RAB10: variants seen among roughly 807,000 people sequenced by gnomAD.
RAB10 encodes RAB10, member RAS oncogene family.
A neutral mutation model predicts 25.7 loss-of-function variants in RAB10; 5 were observed. The observed-to-expected ratio is 0.19, with a 90% CI of 0.10 to 0.41. The LOEUF (loss-of-function observed/expected upper bound fraction) is 0.41. RAB10 is among the 10% of genes least tolerant of loss of function. The pLI is 1.00. For missense variants in RAB10, 103 were observed against 245.8 expected, an observed-to-expected ratio of 0.42 and a Z score of 3.89; for synonymous variants, 89 against 86.4, an observed-to-expected ratio of 1.03 and a Z score of -0.16.
At position 26,034,151 on chromosome 2, in the gene RAB10, G is replaced by A. The variant is rs1006727685; in HGVS notation, c.-458G>A. The A allele has an allele frequency of 4.9e-6, 2 of 406,314 alleles. No individual in the cohort carries two copies. Among genetic ancestry groups the A allele is most frequent in the East Asian group, 7.0e-5 (2 of 28,430 alleles). 25.2% of individuals were successfully genotyped at this position (406,314 alleles called of 1,614,324 possible). A position where few individuals can be genotyped will look rare whatever the true frequency, so the allele number is the denominator to read the frequency against. On this transcript the variant is annotated 5_prime_UTR_variant, in exon 1 of 6. Coordinates refer to ENST00000264710, the MANE Select transcript of RAB10 (RefSeq NM_016131.5). ...AAGGTGGCTCTGGCCGGGGTGGCTCGGTTTCCTGGGGCTATGTAACTGAGC... is the reference window on the plus strand; with the variant it reads ...AAGGTGGCTCTGGCCGGGGTGGCTCAGTTTCCTGGGGCTATGTAACTGAGC...
chr2:26,075,228 T>G (rs1666708070), intron 1 of RAB10, among the ~76,000 whole-genome samples: 1 of 152,188 alleles, frequency 6.6e-6, no homozygotes, highest in African/African-American at 2.4e-5. Context: ...CCTAGTACCT[T>G]TCTGTCTCTT....
chr2:26,055,311 G>A (rs918160456), intron 1 of RAB10, among the ~76,000 whole-genome samples: 1 of 151,772 alleles, frequency 6.6e-6, no homozygotes, highest in Non-Finnish European at 1.5e-5. Flanking sequence ...GGAAATACAG[G>A]CTTTATGCCT....
intron 1 of RAB10, among the ~76,000 whole-genome samples, chr2:26,037,639 C>CAA (rs557970319): frequency 1.5e-5 from 2 of 133,058 alleles, no homozygotes; most frequent in Admixed American, 7.6e-5. Context: ...AACTCTGTCT[C>CAA]AAAAAAAAAA....
intron 1 of RAB10, among the ~76,000 whole-genome samples, chr2:26,036,667 A>G (rs756332616): frequency 6.6e-6 from 1 of 151,814 alleles, no homozygotes; most frequent in Non-Finnish European, 1.5e-5. Context: ...TCAAAATAAT[A>G]ATAAATAAAT....
At chr2:26,060,066 T>C (rs770921185) in intron 1 of RAB10, among the ~76,000 whole-genome samples, 2 of 152,190 alleles carry the variant, frequency 1.3e-5, no homozygotes, top group African/African-American at 4.8e-5. Context: ...AGATTACTTA[T>C]AATGCCAGTC....
intron 1 of RAB10, among the ~76,000 whole-genome samples, chr2:26,058,327 G>T (rs751856452): frequency 6.6e-6 from 1 of 152,146 alleles, no homozygotes; most frequent in East Asian, 1.9e-4. Context: ...ATTCATATAT[G>T]TCACTCTTCT....
intron 1 of RAB10, among the ~76,000 whole-genome samples, chr2:26,097,766 C>T (rs1017148811): frequency 2.0e-5 from 3 of 151,882 alleles, no homozygotes; most frequent in African/African-American, 7.3e-5. Context: ...ATTGATTTTT[C>T]TGTCTACTTA....
intron 1 of RAB10, among the ~76,000 whole-genome samples, chr2:26,088,566 C>T (rs1344038697): frequency 1.3e-5 from 2 of 152,120 alleles, no homozygotes; most frequent in African/African-American, 4.8e-5. Flanking sequence ...CCTCTCATCT[C>T]TCAATTTTAT....
intron 1 of RAB10, among the ~76,000 whole-genome samples, chr2:26,082,497 G>A (rs1274771335): frequency 1.3e-5 from 2 of 152,034 alleles, no homozygotes; most frequent in Admixed American, 6.6e-5. Context: ...AAATACTTGA[G>A]GCAAAAACTG....
intron 3 of RAB10, among the ~76,000 whole-genome samples, chr2:26,112,243 CT>C (rs1667589072): frequency 6.6e-6 from 1 of 152,136 alleles, no homozygotes; most frequent in Admixed American, 6.5e-5. Context: ...AAATCATTGA[CT>C]TCTGGTGATT....
In RAB10 at chr2:26,136,708, G is replaced by A. The variant is rs936995771; in HGVS notation, c.*1687G>A. 1 of 152,600 alleles carries A rather than the reference G, an allele frequency of 6.6e-6. No homozygotes were observed. The highest frequency in any genetic ancestry group is 2.4e-5 in the African/African-American group (1 of 41,442). The allele number at this position is 152,600 out of a possible 1,614,324, so 9.5% of individuals were successfully genotyped here. ...GAGAAGTCTTTCTGTGTCGTGAATA[G>A]CATTTTAATGACCTCTTGGCTCACA... On this transcript the variant is annotated 3_prime_UTR_variant, in exon 6 of 6. Coordinates refer to ENST00000264710, the MANE Select transcript of RAB10 (RefSeq NM_016131.5).
chr2:26,071,427 C>T (rs1490039993), intron 1 of RAB10, among the ~76,000 whole-genome samples: 3 of 152,212 alleles, frequency 2.0e-5, no homozygotes, highest in African/African-American at 7.2e-5. Flanking sequence ...GTGGCCCACT[C>T]CTGTAATCCC....
chr2:26,086,024 G>A lies in RAB10; in HGVS notation c.128-12638G>A, dbSNP rs1175736558. On this transcript the variant is annotated intron_variant, in intron 1 of 5. Coordinates refer to ENST00000264710, the MANE Select transcript of RAB10 (RefSeq NM_016131.5). ...AAAAAAAAAAAAAAAAAAAGGGGGG[G>A]GGCAAAGGGGCCCGATGCGGTAGCT... 2.9e-5 allele frequency among the ~76,000 whole-genome samples: 4 copies of A among 139,722 alleles called. No homozygotes were observed. In the South Asian group the frequency reaches 7.0e-4, roughly 24 times the overall value. The allele number at this position is 139,722 out of a possible 152,430, so 91.7% of individuals were successfully genotyped here. A position where few individuals can be genotyped will look rare whatever the true frequency, so the allele number is the denominator to read the frequency against.
intron 1 of RAB10, among the ~76,000 whole-genome samples, chr2:26,046,154 G>C (rs1665998758): frequency 6.6e-6 from 1 of 152,104 alleles, no homozygotes; most frequent in Admixed American, 6.6e-5. Context: ...GAGAAACCCT[G>C]TTTCTACTAA....
At chr2:26,046,715 G>A (rs759335711) in intron 1 of RAB10, among the ~76,000 whole-genome samples, 28 of 152,100 alleles carry the variant, frequency 1.8e-4, no homozygotes, top group Non-Finnish European at 3.5e-4. Context: ...ACCACGCCTG[G>A]CCTAGAATGC....
chr2:26,109,819 A>T lies in RAB10; in HGVS notation c.240A>T (p.Arg80Ser). ...ACACCATCACAACCTCCTACTACAG[A>T]GGCGCAATGGGTATCATGCTAGTAT... ...RFHTITTSYY[R>S]GAMGIMLVYD... The change falls in exon 3 of 6, where the codon AGA (arginine) becomes AGT (serine). Residue 80 changes from arginine to serine, a missense_variant. By Grantham distance (110) the Arg-to-Ser change is moderately radical. Transcript: ENST00000264710. 6.2e-7 allele frequency: 1 copy of T among 1,610,756 alleles called. No homozygotes were observed. Among genetic ancestry groups the T allele is most frequent in the Non-Finnish European group, 8.5e-7 (1 of 1,178,682 alleles).
In RAB10 at chr2:26,117,985, T is replaced by C. The variant is rs144145866; in HGVS notation, c.327+8079T>C. ...AATAGATATAAAAAGATGTTCTTTT[T>C]TTTTGAGACGGAGTCTTGCTCTGTT... On this transcript the variant is annotated intron_variant, in intron 3 of 5. Transcript: ENST00000264710. Among the ~76,000 whole-genome samples, 1,313 of 152,320 alleles carry C rather than the reference T, an allele frequency of 8.6e-3. 26 individuals are homozygous for C. Among genetic ancestry groups the C allele is most frequent in the African/African-American group, 0.028 (1,164 of 41,580 alleles).
intron 1 of RAB10, among the ~76,000 whole-genome samples, chr2:26,065,499 T>A (rs111903459): frequency 3.7e-4 from 3 of 8,066 alleles, no homozygotes; most frequent in African/African-American, 1.0e-3. Flanking sequence ...AACCTGAAGG[T>A]TTTTTTTTTG....
chr2:26,062,987 C>T (rs1666439631), intron 1 of RAB10, among the ~76,000 whole-genome samples: 2 of 150,640 alleles, frequency 1.3e-5, no homozygotes, highest in South Asian at 4.2e-4. Context: ...TGGTGGCAGG[C>T]GCCTATAATC....
Sources: allele counts gnomAD v4.1 joint callset (sites outside exome capture counted in the v4.1 genomes callset), GRCh38; gene constraint gnomAD v4.1.1; transcripts MANE v1.5; gene names NCBI Gene and HGNC (gene_info 2026-07-23, HGNC 2026-07-21).